The following CSMD3 variants were observed in gnomAD, a reference collection of about 807,000 sequenced individuals.
CSMD3 encodes the protein CUB and sushi domain-containing protein 3.
A neutral mutation model predicts 435.2 loss-of-function variants in CSMD3; 177 were observed. That is an observed-to-expected ratio of 0.41 (90% confidence interval 0.36 to 0.46). CSMD3 has a LOEUF of 0.46. Among genes scored for constraint, CSMD3 ranks in the 20% least tolerant of loss-of-function variants. CSMD3 has a pLI of 0.34. For synonymous variants in CSMD3, 1,656 were observed against 1,520.5 expected (o/e 1.09, Z -2.07); for missense variants, 4,265 against 4,504.6 (o/e 0.95, Z 1.52).
At chr8:113,024,183 T>C (rs1193263775) in intron 5 of CSMD3, among the ~76,000 whole-genome samples, 1 of 152,138 alleles carries the variant, frequency 6.6e-6, no homozygotes, top group East Asian at 1.9e-4. Flanking sequence ...TATCTTTCTG[T>C]TTCTGACTTA....
intron 10 of CSMD3, among the ~76,000 whole-genome samples, chr8:112,891,839 C>T (rs1160964892): frequency 6.6e-6 from 1 of 151,446 alleles, no homozygotes; most frequent in Non-Finnish European, 1.5e-5. Context: ...ATATATCTGA[C>T]CCCAGTCTGT....
chr8:112,462,943 C>T (rs1817596403), intron 32 of CSMD3, among the ~76,000 whole-genome samples: 1 of 152,204 alleles, frequency 6.6e-6, no homozygotes, highest in Non-Finnish European at 1.5e-5. Context: ...AATCTCCCTT[C>T]TCTGCTCTCT....
At chr8:112,665,780 A>G (rs1310987756) in intron 17 of CSMD3, among the ~76,000 whole-genome samples, 2 of 152,122 alleles carry the variant, frequency 1.3e-5, no homozygotes, top group East Asian at 3.9e-4. Context: ...CAGTAATACT[A>G]ATTTTTCTAG....
intron 30 of CSMD3, among the ~76,000 whole-genome samples, chr8:112,498,788 A>G (rs1009488947): frequency 1.3e-5 from 2 of 151,962 alleles, no homozygotes; most frequent in Non-Finnish European, 2.9e-5. Context: ...TGCAGGTATA[A>G]GTAGCTATTT....
At chr8:112,800,386 G>C in intron 12 of CSMD3, 112 bp from the exon 13 acceptor site, 1 of 755,864 alleles carries the variant, frequency 1.3e-6, no homozygotes. Context: ...AAAAAAGTCA[G>C]ATAAACATAG....
chr8:112,999,169 A>G (rs911977019), intron 6 of CSMD3, among the ~76,000 whole-genome samples: 1 of 151,908 alleles, frequency 6.6e-6, no homozygotes, highest in Non-Finnish European at 1.5e-5. Flanking sequence ...TGAGGCTTTT[A>G]CTGAAAGGAT....
chr8:112,709,191 C>T (rs1481152388), intron 13 of CSMD3, among the ~76,000 whole-genome samples: 6 of 152,040 alleles, frequency 3.9e-5, no homozygotes, highest in African/African-American at 1.4e-4. Flanking sequence ...AAATACATAT[C>T]CCCATAAATG....
chr8:112,444,646 C>T (rs1237246884), intron 32 of CSMD3, among the ~76,000 whole-genome samples: 5 of 152,152 alleles, frequency 3.3e-5, no homozygotes, highest in Non-Finnish European at 5.9e-5. Context: ...GTGTGGCATT[C>T]AGGAAAACAT....
intron 22 of CSMD3, among the ~76,000 whole-genome samples, chr8:112,610,361 G>C (rs1479575109): frequency 1.3e-5 from 2 of 151,054 alleles, no homozygotes; most frequent in East Asian, 3.9e-4. Context: ...CAATGTTAAG[G>C]AGCCTCAGCA....
At chr8:112,664,954 C>G (rs1368597139) in intron 17 of CSMD3, among the ~76,000 whole-genome samples, 1 of 152,086 alleles carries the variant, frequency 6.6e-6, no homozygotes, top group African/African-American at 2.4e-5. Context: ...ACTAATATAG[C>G]CCTAGTAAAC....
chr8:113,146,114 G>A (rs2091667009), intron 4 of CSMD3, among the ~76,000 whole-genome samples: 1 of 151,342 alleles, frequency 6.6e-6, no homozygotes, highest in Admixed American at 6.6e-5. Context: ...TTTATTTGAA[G>A]TGAAATTAAA....
At chr8:112,433,618 T>C (rs1201546412) in intron 32 of CSMD3, among the ~76,000 whole-genome samples, 3 of 129,250 alleles carry the variant, frequency 2.3e-5, no homozygotes, top group Non-Finnish European at 4.7e-5. Context: ...GATCATGCCA[T>C]TGCACTTCAG....
At chr8:112,966,655 A>G (rs1412317196) in intron 7 of CSMD3, among the ~76,000 whole-genome samples, 1 of 151,812 alleles carries the variant, frequency 6.6e-6, no homozygotes, top group African/African-American at 2.4e-5. Flanking sequence ...TTTAAAATTT[A>G]GAGCTAAAAT....
intron 28 of CSMD3, among the ~76,000 whole-genome samples, chr8:112,509,082 A>G (rs1204670511): frequency 2.0e-5 from 3 of 149,370 alleles, no homozygotes; most frequent in African/African-American, 4.9e-5. Context: ...TCTAGATTAG[A>G]TGTCTTTTTT....
At chr8:112,289,876 T>A (rs1250865367) in intron 56 of CSMD3, among the ~76,000 whole-genome samples, 1 of 152,108 alleles carries the variant, frequency 6.6e-6, no homozygotes, top group Non-Finnish European at 1.5e-5. Flanking sequence ...TCGAACTGTA[T>A]CTGTTCCTGG....
At chr8:112,256,506 C>G (rs1338675159) in intron 61 of CSMD3, among the ~76,000 whole-genome samples, 3 of 152,116 alleles carry the variant, frequency 2.0e-5, no homozygotes, top group African/African-American at 7.2e-5. Flanking sequence ...AAGCCTTCTG[C>G]TGGGGCATGG....
chr8:113,343,032 A>G (rs2094130267), intron 1 of CSMD3, among the ~76,000 whole-genome samples: 1 of 151,954 alleles, frequency 6.6e-6, no homozygotes, highest in Non-Finnish European at 1.5e-5. Context: ...GAAGAGTCAA[A>G]ATAGGAAGAA....
chr8:113,173,702 T>G lies in CSMD3; in HGVS notation c.709+20A>C. On this transcript the variant is annotated intron_variant, in intron 4 of 70. Transcript: ENST00000297405. ...CACTGGCTGATAACAACTCTCATTT[T>G]TAAAGTGTTTTCATTTTACCTCTAC... 6.4e-7 allele frequency: 1 copy of G among 1,570,378 alleles called. No homozygotes were observed. Among genetic ancestry groups the G allele is most frequent in the Non-Finnish European group, 8.8e-7 (1 of 1,140,716 alleles).
At chr8:112,859,625 C>T (rs2080766530) in intron 10 of CSMD3, among the ~76,000 whole-genome samples, 1 of 151,542 alleles carries the variant, frequency 6.6e-6, no homozygotes, top group Non-Finnish European at 1.5e-5. Flanking sequence ...GTTAATGAAG[C>T]AATCTAAGAA....
Sources: gnomAD v4.1 joint callset for allele counts (sites outside exome capture counted in the v4.1 genomes callset) on GRCh38, gnomAD v4.1.1 for gene constraint, MANE v1.5 for transcripts, NCBI Gene and HGNC (gene_info 2026-07-23, HGNC 2026-07-21) for gene names.